The following SORCS3 variants were observed in gnomAD, a reference collection of about 807,000 sequenced individuals.
SORCS3 encodes the protein sortilin related VPS10 domain containing receptor 3.
In SORCS3, 57 loss-of-function variants were observed where a neutral mutation model predicts 146.3. The ratio of observed to expected loss-of-function variants is 0.39; its 90% CI spans 0.31 to 0.49. The LOEUF (loss-of-function observed/expected upper bound fraction) is 0.49, where lower values mean the gene tolerates loss of function less well. Among genes scored for constraint, SORCS3 ranks in the 20% least tolerant of loss-of-function variants. SORCS3 has a pLI of 0.92. For missense variants in SORCS3, 1,341 were observed against 1,575.5 expected (o/e 0.85, Z 2.52); for synonymous variants, 653 against 618.5 (o/e 1.06, Z -0.83).
intron 12 of SORCS3, 91 bp from the exon 13 acceptor site, chr10:105,167,167 G>C: frequency 6.9e-6 from 7 of 1,018,648 alleles, no homozygotes; most frequent in Non-Finnish European, 1.0e-5. Context: ...GAACCTAGAT[G>C]AAACAATATA....
intron 22 of SORCS3, among the ~76,000 whole-genome samples, chr10:105,247,913 A>G (rs1451768406): frequency 6.6e-6 from 1 of 152,146 alleles, no homozygotes; most frequent in East Asian, 1.9e-4. Context: ...GCACTAATGG[A>G]TGGACAACTC....
chr10:104,654,871 G>T (rs779665723), intron 1 of SORCS3, among the ~76,000 whole-genome samples: 6 of 152,200 alleles, frequency 3.9e-5, no homozygotes, highest in African/African-American at 1.4e-4. Flanking sequence ...AAAATCGGTA[G>T]TATAAGGTGG....
At chr10:104,780,392 C>T (rs1019334984) in intron 1 of SORCS3, among the ~76,000 whole-genome samples, 1 of 152,196 alleles carries the variant, frequency 6.6e-6, no homozygotes, top group Non-Finnish European at 1.5e-5. Flanking sequence ...AAACCTTAGA[C>T]ACAGCCTTCA....
intron 1 of SORCS3, among the ~76,000 whole-genome samples, chr10:104,744,038 A>C (rs1335429995): frequency 6.6e-6 from 1 of 152,198 alleles, no homozygotes; most frequent in Non-Finnish European, 1.5e-5. Flanking sequence ...TCTTCACAAC[A>C]CTGTGAGATG....
At chr10:105,018,213 G>A (rs780514235) in intron 4 of SORCS3, among the ~76,000 whole-genome samples, 18 of 152,188 alleles carry the variant, frequency 1.2e-4, no homozygotes, top group Non-Finnish European at 2.5e-4. Flanking sequence ...CTCAGGCGAC[G>A]TTCCCCTCAG....
At chr10:104,867,528 C>G (rs745416531) in intron 2 of SORCS3, among the ~76,000 whole-genome samples, 1 of 152,080 alleles carries the variant, frequency 6.6e-6, no homozygotes, top group Non-Finnish European at 1.5e-5. Flanking sequence ...CCAGGATGGT[C>G]TCGATCTCCT....
chr10:104,791,839 A>G (rs2017498769), intron 1 of SORCS3, among the ~76,000 whole-genome samples: 1 of 152,170 alleles, frequency 6.6e-6, no homozygotes, highest in African/African-American at 2.4e-5. Flanking sequence ...TCATAAGCAG[A>G]TTAGTTATGA....
At chr10:105,181,345 G>C (rs1008523684) in intron 14 of SORCS3, among the ~76,000 whole-genome samples, 17 of 152,122 alleles carry the variant, frequency 1.1e-4, no homozygotes, top group African/African-American at 4.1e-4. Context: ...GGCTGGGGTT[G>C]GATAGGAATC....
At chr10:105,218,389 T>G (rs1403125377) in intron 19 of SORCS3, among the ~76,000 whole-genome samples, 1 of 152,242 alleles carries the variant, frequency 6.6e-6, no homozygotes, top group Non-Finnish European at 1.5e-5. Context: ...AAAAATTTGT[T>G]GAAGTCTTAA....
chr10:104,804,080 C>T (rs543779918), intron 1 of SORCS3, among the ~76,000 whole-genome samples: 4 of 152,322 alleles, frequency 2.6e-5, no homozygotes, highest in East Asian at 1.9e-4. Context: ...TTGGCATAAA[C>T]GGTTCTATTA....
intron 8 of SORCS3, among the ~76,000 whole-genome samples, chr10:105,145,875 A>T (rs1309388186): frequency 6.7e-6 from 1 of 150,114 alleles, no homozygotes; most frequent in Admixed American, 6.6e-5. Flanking sequence ...TACTTCTCTC[A>T]TCTCCAGGTT....
rs147548494 is a variant in SORCS3, at chr10:105,211,157, A to T, written c.2282A>T (p.His761Leu). 6.8e-6 allele frequency: 11 copies of T among 1,613,998 alleles called. No homozygotes were observed. The East Asian group carries it at 2.2e-4, about 33-fold the overall frequency. The change falls in exon 17 of 27, where the codon CAT becomes CTT. Residue 761 changes from histidine to leucine, a missense_variant. His to Leu is a moderately conservative substitution (Grantham distance 99). Transcript: ENST00000369701. ...GACAGTGACTATGGGTATGAGAGACATGGGGAGAGCCAGTGTGTCCCAGCT... is the reference window on the plus strand; with the variant it reads ...GACAGTGACTATGGGTATGAGAGACTTGGGGAGAGCCAGTGTGTCCCAGCT... ...DFECDYGYER[H>L]GESQCVPAFW...
At chr10:105,166,917 G>A (rs572817557) in intron 12 of SORCS3, among the ~76,000 whole-genome samples, 2 of 152,254 alleles carry the variant, frequency 1.3e-5, no homozygotes, top group South Asian at 4.2e-4. Context: ...TTAATTAGCT[G>A]GAAAGATAGG....
At chr10:104,859,458 A>C (rs917089028) in intron 2 of SORCS3, among the ~76,000 whole-genome samples, 1 of 152,228 alleles carries the variant, frequency 6.6e-6, no homozygotes, top group Non-Finnish European at 1.5e-5. Context: ...CTAAAGCCAT[A>C]AAAACCCTAG....
chr10:105,107,713 G>T (rs549047657), intron 7 of SORCS3, among the ~76,000 whole-genome samples: 2 of 152,234 alleles, frequency 1.3e-5, no homozygotes, highest in Admixed American at 6.5e-5. Flanking sequence ...ACACAACAAA[G>T]TTTCTGCCTT....
At chr10:104,978,096 G>T (rs1158998141) in intron 4 of SORCS3, among the ~76,000 whole-genome samples, 2 of 152,152 alleles carry the variant, frequency 1.3e-5, no homozygotes, top group East Asian at 3.8e-4. Flanking sequence ...TGTGAAAGAA[G>T]TAGGACATAC....
At chr10:105,235,460 GT>G in intron 20 of SORCS3, among the ~76,000 whole-genome samples, 1 of 151,146 alleles carries the variant, frequency 6.6e-6, no homozygotes, top group East Asian at 1.9e-4. Context: ...GTGTGTGTGT[GT>G]GTGTGTGTGT....
chr10:104,915,618 A>G (rs2019018487), intron 2 of SORCS3, among the ~76,000 whole-genome samples: 2 of 152,130 alleles, frequency 1.3e-5, no homozygotes, highest in South Asian at 4.1e-4. Flanking sequence ...AGGTCCTGAG[A>G]AAGGCTGGAA....
chr10:104,821,963 G>A (rs2017877665), intron 1 of SORCS3: 1 of 386,576 alleles, frequency 2.6e-6, no homozygotes, highest in Non-Finnish European at 5.1e-6. Flanking sequence ...AACCTTGAAT[G>A]AAACTTCAAG....
Sources: allele counts gnomAD v4.1 joint callset (sites outside exome capture counted in the v4.1 genomes callset), GRCh38; gene constraint gnomAD v4.1.1; transcripts MANE v1.5; gene names NCBI Gene and HGNC (gene_info 2026-07-23, HGNC 2026-07-21).